Variants in KLHL24 observed in about 807,000 individuals in gnomAD.
KLHL24 encodes the protein kelch like family member 24.
A neutral mutation model predicts 53.4 loss-of-function variants in KLHL24; 29 were observed. The observed-to-expected ratio is 0.54, with a 90% CI of 0.40 to 0.74. The LOEUF is 0.74. Among genes scored for constraint, KLHL24 ranks in the 30% least tolerant of loss-of-function variants. The pLI, the probability that KLHL24 is intolerant of heterozygous loss-of-function variation, is 0.00. For missense variants in KLHL24, 504 were observed against 744.0 expected (o/e 0.68, Z 3.75); for synonymous variants, 222 against 253.7 (o/e 0.88, Z 1.19).
chr3:183,656,062 T>C (rs1003185458), intron 3 of KLHL24, among the ~76,000 whole-genome samples: 8 of 146,592 alleles, frequency 5.5e-5, no homozygotes, highest in South Asian at 2.2e-4. Flanking sequence ...TTTTTTTTTT[T>C]CTGAGACAGG....
At chr3:183,649,555 A>G (rs1717835081) in intron 2 of KLHL24, among the ~76,000 whole-genome samples, 1 of 152,092 alleles carries the variant, frequency 6.6e-6, no homozygotes, top group African/African-American at 2.4e-5. Flanking sequence ...TGGTCAAACA[A>G]TGTACATATT....
rs932723128 is a variant in KLHL24, at chr3:183,682,938, T to G, written c.*3652T>G. 8.7e-6 allele frequency: 1 copy of G among 114,672 alleles called. No homozygotes were observed. Among genetic ancestry groups the G allele is most frequent in the Non-Finnish European group, 2.0e-5 (1 of 50,866 alleles). 7.1% of individuals were successfully genotyped at this position (114,672 alleles called of 1,614,324 possible). On this transcript the variant is annotated 3_prime_UTR_variant, in exon 8 of 8. Transcript: ENST00000242810. The stretch of plus-strand genomic sequence containing the variant: ...TCTACTTCAAACTGTATTTTTTTCG[T>G]TTTTTTTTTTTTTTGGGGAAGGGGG...
Position 183,679,292 on chromosome 3 carries a change from G to A in KLHL24, c.*6G>A. On this transcript the variant is annotated 3_prime_UTR_variant, in exon 8 of 8. Coordinates refer to ENST00000242810, the MANE Select transcript of KLHL24 (RefSeq NM_017644.3). ...AGAAATGCTTTAAACTCTGAAGACAGGATACCTCACCGAAGAAGCCACACT... is the reference window on the plus strand; with the variant it reads ...AGAAATGCTTTAAACTCTGAAGACAAGATACCTCACCGAAGAAGCCACACT... The A allele has an allele frequency of 6.2e-7, 1 of 1,611,206 alleles. No homozygotes were observed. The highest frequency in any genetic ancestry group is 8.5e-7 in the Non-Finnish European group (1 of 1,177,702).
chr3:183,645,509 C>T (rs1217386881), intron 2 of KLHL24, among the ~76,000 whole-genome samples: 1 of 151,994 alleles, frequency 6.6e-6, no homozygotes, highest in East Asian at 1.9e-4. Flanking sequence ...CAACTGTAAC[C>T]CAAGTTGGGT....
intron 3 of KLHL24, among the ~76,000 whole-genome samples, chr3:183,662,284 G>A (rs1719913151): frequency 6.6e-6 from 1 of 152,122 alleles, no homozygotes; most frequent in Non-Finnish European, 1.5e-5. Context: ...AGTAAATGTA[G>A]CTAGAACAGC....
intron 2 of KLHL24, among the ~76,000 whole-genome samples, chr3:183,644,534 G>C (rs1462913593): frequency 6.6e-6 from 1 of 152,284 alleles, no homozygotes; most frequent in East Asian, 1.9e-4. Flanking sequence ...TCTCATTGCT[G>C]TTGAAGACTT....
chr3:183,667,996 A>G (rs550209786), intron 5 of KLHL24, among the ~76,000 whole-genome samples: 6 of 150,974 alleles, frequency 4.0e-5, no homozygotes, highest in Non-Finnish European at 8.8e-5. Context: ...TACAGGCATG[A>G]GCCACCATGC....
chr3:183,655,927 TAA>T (rs200350273), intron 3 of KLHL24, among the ~76,000 whole-genome samples: 1 of 150,270 alleles, frequency 6.7e-6, no homozygotes, highest in East Asian at 2.0e-4. Context: ...GAGACTCCTT[TAA>T]AAAAAAATTA....
chr3:183,671,456 G>A (rs1721312788), intron 6 of KLHL24, among the ~76,000 whole-genome samples: 5 of 152,152 alleles, frequency 3.3e-5, no homozygotes, highest in Admixed American at 3.3e-4. Flanking sequence ...GAGACTATCT[G>A]TGTAGAAGTT....
rs55790174 is a variant in KLHL24 at position 183,672,630 on chromosome 3, C to T, written c.1602+146C>T. The stretch of plus-strand genomic sequence containing the variant: ...CTGTAATCCCAGCACTTTGGGAGGC[C>T]GAGGTGGATAGATCACTTGAGGTCA... On this transcript the variant is annotated intron_variant, in intron 7 of 7. Coordinates refer to ENST00000242810, the MANE Select transcript of KLHL24 (RefSeq NM_017644.3). 0.085 allele frequency: 40,402 copies of T among 477,520 alleles called. 1,965 individuals are homozygous for T. The highest frequency in any genetic ancestry group is 0.14 in the Middle Eastern group (245 of 1,692). The allele number at this position is 477,520 out of a possible 1,614,324, so 29.6% of individuals were successfully genotyped here.
At chr3:183,640,618 G>A (rs1196702851) in intron 1 of KLHL24, among the ~76,000 whole-genome samples, 1 of 54,160 alleles carries the variant, frequency 1.8e-5, no homozygotes, top group Non-Finnish European at 4.1e-5. Context: ...TTTTTTTTTT[G>A]AGACAGAGTC....
At chr3:183,649,207 A>T (rs1019046751) in intron 2 of KLHL24, among the ~76,000 whole-genome samples, 2 of 152,218 alleles carry the variant, frequency 1.3e-5, no homozygotes, top group African/African-American at 4.8e-5. Context: ...AATAGAGAAG[A>T]TAAATAAAAC....
At position 183,651,204 on chromosome 3, in the gene KLHL24, A is replaced by G. The variant is rs1718068580; in HGVS notation, c.848A>G (p.Gln283Arg). The change falls in exon 3 of 8, where the codon CAG (glutamine) becomes CGG (arginine). Residue 283 changes from glutamine (Q) to arginine (R), a missense_variant. Coordinates refer to ENST00000242810, the MANE Select transcript of KLHL24 (RefSeq NM_017644.3). ...QLIQNSPECY[Q>R]LLHEARRYHI... ...ATCCAGAATTCTCCTGAGTGTTATC[A>G]GTTGTTGCATGAAGCAAGACGGTAC... 9.3e-6 allele frequency: 15 copies of G among 1,614,188 alleles called. No individual in the cohort carries two copies. Among genetic ancestry groups the G allele is most frequent in the Non-Finnish European group, 1.3e-5 (15 of 1,180,024 alleles).
At chr3:183,666,434 G>A (rs943338757) in intron 5 of KLHL24, among the ~76,000 whole-genome samples, 2 of 151,874 alleles carry the variant, frequency 1.3e-5, no homozygotes, top group African/African-American at 4.8e-5. Flanking sequence ...AGCTAATTTT[G>A]TATTTTTTGT....
rs1235139929 is a variant in KLHL24 at position 183,682,252 on chromosome 3, T to TC, written c.*2967dup. On this transcript the variant is annotated 3_prime_UTR_variant, in exon 8 of 8. Coordinates refer to ENST00000242810, the MANE Select transcript of KLHL24 (RefSeq NM_017644.3). The stretch of plus-strand genomic sequence containing the variant: ...AGAACAGAAAAGTATAGTTTTTTTT[T>TC]CATGAACTTTAATCATTTTCTGTTT... 6.6e-6 allele frequency: 1 copy of TC among 152,176 alleles called. No homozygotes were observed. Among genetic ancestry groups the TC allele is most frequent in the Non-Finnish European group, 1.5e-5 (1 of 67,998 alleles). 9.4% of individuals were successfully genotyped at this position (152,176 alleles called of 1,614,324 possible). A position where few individuals can be genotyped will look rare whatever the true frequency, so the allele number is the denominator to read the frequency against.
intron 1 of KLHL24, chr3:183,636,364 A>G (rs1472632758): frequency 6.6e-6 from 1 of 152,176 alleles, no homozygotes; most frequent in Non-Finnish European, 1.5e-5. Context: ...CGATTGCGAA[A>G]TGCACTCGGC....
At chr3:183,635,844 C>CGGG (rs1054974144) in intron 1 of KLHL24, 51 bp downstream of exon 1, 1 of 152,534 alleles carries the variant, frequency 6.6e-6, no homozygotes, top group South Asian at 2.1e-4. Context: ...TCCTGACCAC[C>CGGG]GGGGTGTCTG....
chr3:183,676,162 C>T (rs148382470), intron 7 of KLHL24, among the ~76,000 whole-genome samples: 1 of 152,174 alleles, frequency 6.6e-6, no homozygotes, highest in African/African-American at 2.4e-5. Context: ...ACACATTGAT[C>T]TCGGCTCACT....
rs1418911929 is a variant in KLHL24 at position 183,682,160 on chromosome 3, A to G, written c.*2874A>G. 1.3e-5 allele frequency: 2 copies of G among 152,040 alleles called. No homozygotes were observed. Among genetic ancestry groups the G allele is most frequent in the Admixed American group, 1.3e-4 (2 of 15,208 alleles). 9.4% of individuals were successfully genotyped at this position (152,040 alleles called of 1,614,324 possible). ...GACAATTTAGTTTTACAAGGTCAGA[A>G]GAGATGAGTTTGCTAAACCCAGCTG... On this transcript the variant is annotated 3_prime_UTR_variant, in exon 8 of 8. Transcript: ENST00000242810.
Sources: allele counts gnomAD v4.1 joint callset (sites outside exome capture counted in the v4.1 genomes callset), GRCh38; gene constraint gnomAD v4.1.1; transcripts MANE v1.5; gene names NCBI Gene and HGNC (gene_info 2026-07-23, HGNC 2026-07-21).